RPS6KC1: variants seen among roughly 807,000 people sequenced by gnomAD.
RPS6KC1 encodes ribosomal protein S6 kinase C1.
Under a neutral mutation model 103.8 loss-of-function variants are expected in RPS6KC1, and 54 were observed. The observed-to-expected ratio is 0.52, with a 90% confidence interval of 0.42 to 0.65. The LOEUF (loss-of-function observed/expected upper bound fraction) is 0.65. Among genes scored for constraint, RPS6KC1 ranks in the 30% least tolerant of loss-of-function variants. The pLI is 0.00. For synonymous variants in RPS6KC1, 439 were observed against 438.7 expected (o/e 1.00, Z -0.01); for missense variants, 1,151 against 1,253.8 (o/e 0.92, Z 1.24).
the RPS6KC1 span, among the ~76,000 whole-genome samples, chr1:213,394,492 C>T: frequency 2.0e-5 from 3 of 152,232 alleles, no homozygotes; most frequent in Admixed American, 1.3e-4. Flanking sequence ...CCTTCAGCCA[C>T]TCAGCACTGC....
At chr1:213,481,999 T>C in the RPS6KC1 span, among the ~76,000 whole-genome samples, 10 of 152,108 alleles carry the variant, frequency 6.6e-5, no homozygotes, top group Non-Finnish European at 1.2e-4. Flanking sequence ...CCTCCTTCCC[T>C]CTCACTCGCT....
At chr1:213,322,714 C>T in the RPS6KC1 span, among the ~76,000 whole-genome samples, 1 of 151,678 alleles carries the variant, frequency 6.6e-6, no homozygotes, top group African/African-American at 2.4e-5. Flanking sequence ...CAGCTCGTGG[C>T]TCCTTCCTCC....
the RPS6KC1 span, among the ~76,000 whole-genome samples, chr1:213,419,648 C>T: frequency 6.6e-6 from 1 of 152,184 alleles, no homozygotes; most frequent in Admixed American, 6.5e-5. Context: ...CAAAGATGCC[C>T]TACTCAGGGG....
the RPS6KC1 span, among the ~76,000 whole-genome samples, chr1:213,428,459 TTCTTTC>T: frequency 1.5e-5 from 1 of 65,066 alleles, no homozygotes; most frequent in Non-Finnish European, 2.8e-5. Context: ...CCTCCCTTCC[TTCTTTC>T]CTCCCTCCCT....
chr1:213,397,466 A>C, the RPS6KC1 span, among the ~76,000 whole-genome samples: 1 of 151,912 alleles, frequency 6.6e-6, no homozygotes, highest in African/African-American at 2.4e-5. Context: ...TGTTGGTTCC[A>C]ATTTGCCAGT....
chr1:213,151,130 C>T (rs530776879), intron 6 of RPS6KC1, among the ~76,000 whole-genome samples: 1 of 146,114 alleles, frequency 6.8e-6, no homozygotes, highest in African/African-American at 2.5e-5. Flanking sequence ...GCTGACCCCC[C>T]CACCTCCCTC....
At chr1:213,150,162 G>T (rs1269323313) in intron 6 of RPS6KC1, among the ~76,000 whole-genome samples, 1 of 151,888 alleles carries the variant, frequency 6.6e-6, no homozygotes, top group Non-Finnish European at 1.5e-5. Context: ...TTATAAGTAA[G>T]GACTTACACC....
chr1:213,198,526 G>A (rs1448540347), intron 8 of RPS6KC1, among the ~76,000 whole-genome samples: 1 of 152,096 alleles, frequency 6.6e-6, no homozygotes, highest in African/African-American at 2.4e-5. Flanking sequence ...AGTTTTCCTG[G>A]ATTATTCCCT....
At chr1:213,227,776 T>G (rs2093993534) in intron 8 of RPS6KC1, among the ~76,000 whole-genome samples, 4 of 152,228 alleles carry the variant, frequency 2.6e-5, no homozygotes. Flanking sequence ...CCTTTCATGC[T>G]TTGAATATGA....
At chr1:213,459,439 A>G in the RPS6KC1 span, among the ~76,000 whole-genome samples, 3 of 152,210 alleles carry the variant, frequency 2.0e-5, no homozygotes, top group Admixed American at 6.5e-5. Flanking sequence ...ATCAGCGATG[A>G]TAACCCTTTT....
At chr1:213,683,544 C>T in the RPS6KC1 span, among the ~76,000 whole-genome samples, 1 of 152,092 alleles carries the variant, frequency 6.6e-6, no homozygotes, top group African/African-American at 2.4e-5. Flanking sequence ...CCTCATGGAC[C>T]GAGAAAACTC....
intron 14 of RPS6KC1, among the ~76,000 whole-genome samples, chr1:213,266,198 T>C (rs774119719): frequency 1.1e-4 from 17 of 152,210 alleles, no homozygotes; most frequent in Non-Finnish European, 2.5e-4. Context: ...GCTATTGCTA[T>C]TGACACAGGT....
chr1:213,773,283 CA>C, the RPS6KC1 span, among the ~76,000 whole-genome samples: 1 of 136,910 alleles, frequency 7.3e-6, no homozygotes, highest in Admixed American at 7.6e-5. Context: ...AGACTTTCAG[CA>C]AGGTGACCAT....
intron 12 of RPS6KC1, among the ~76,000 whole-genome samples, chr1:213,251,263 T>C (rs190725189): frequency 1.5e-3 from 229 of 152,188 alleles, no homozygotes; most frequent in African/African-American, 5.1e-3. Context: ...GCCACCACCA[T>C]GCCCTGGCTA....
chr1:213,150,470 G>A (rs2088567170), intron 6 of RPS6KC1, among the ~76,000 whole-genome samples: 1 of 149,488 alleles, frequency 6.7e-6, no homozygotes, highest in African/African-American at 2.5e-5. Context: ...GCCTTCCGCA[G>A]TGTTTGTGTC....
chr1:213,473,345 T>G, the RPS6KC1 span, among the ~76,000 whole-genome samples: 3 of 152,196 alleles, frequency 2.0e-5, no homozygotes, highest in Non-Finnish European at 4.4e-5. Context: ...GACAGGGATC[T>G]TTTCCATTTT....
chr1:213,415,990 G>A, the RPS6KC1 span, among the ~76,000 whole-genome samples: 2 of 152,214 alleles, frequency 1.3e-5, no homozygotes, highest in Non-Finnish European at 2.9e-5. Context: ...GAGAAGCTCT[G>A]GAAAGGAGAA....
chr1:213,659,334 C>G, the RPS6KC1 span, among the ~76,000 whole-genome samples: 2 of 152,146 alleles, frequency 1.3e-5, no homozygotes, highest in Non-Finnish European at 2.9e-5. Context: ...CTGTTCCATC[C>G]TTTCTTATTC....
the RPS6KC1 span, among the ~76,000 whole-genome samples, chr1:213,754,687 C>T: frequency 6.6e-5 from 10 of 152,338 alleles, no homozygotes; most frequent in South Asian, 1.4e-3. Flanking sequence ...CCTCTACAGT[C>T]GGTGGAACCA....
Sources: allele counts gnomAD v4.1 joint callset (sites outside exome capture counted in the v4.1 genomes callset), GRCh38; gene constraint gnomAD v4.1.1; transcripts MANE v1.5; gene names NCBI Gene and HGNC (gene_info 2026-07-23, HGNC 2026-07-21).